The following MIPOL1 variants were observed in gnomAD, a reference collection of about 807,000 sequenced individuals.
MIPOL1 encodes the protein mirror-image polydactyly gene 1 protein.
A neutral mutation model predicts 60.9 loss-of-function variants in MIPOL1; 57 were observed. The ratio of observed to expected loss-of-function variants is 0.94; its 90% CI spans 0.76 to 1.17. MIPOL1 has a LOEUF of 1.17. Among genes scored for constraint, MIPOL1 ranks in the 50% most tolerant of loss-of-function variants. MIPOL1 has a pLI of 0.00. For missense variants in MIPOL1, 551 were observed against 511.6 expected (o/e 1.08, Z -0.74); for synonymous variants, 179 against 168.8 (o/e 1.06, Z -0.47).
chr14:37,377,099 G>C (rs1002601576), intron 10 of MIPOL1, among the ~76,000 whole-genome samples: 1 of 152,200 alleles, frequency 6.6e-6, no homozygotes, highest in Non-Finnish European at 1.5e-5. Context: ...ATTTGACTCT[G>C]TAAGCCTTCT....
chr14:37,269,341 A>T (rs2083113149), intron 5 of MIPOL1, among the ~76,000 whole-genome samples: 1 of 151,970 alleles, frequency 6.6e-6, no homozygotes, highest in African/African-American at 2.4e-5. Flanking sequence ...TAGTCATGTG[A>T]TCATTAAATA....
intron 11 of MIPOL1, among the ~76,000 whole-genome samples, chr14:37,493,899 A>G (rs17106785): frequency 0.076 from 11,612 of 152,168 alleles, 685 homozygotes; most frequent in East Asian, 0.32. Flanking sequence ...ATATGTTCCT[A>G]TACAACTTAA....
At chr14:37,424,960 TGA>T in intron 11 of MIPOL1, among the ~76,000 whole-genome samples, 1 of 152,336 alleles carries the variant, frequency 6.6e-6, no homozygotes, top group East Asian at 1.9e-4. Context: ...CAGCCAAGTT[TGA>T]GAGCTGATGT....
chr14:37,494,915 T>A (rs1403735831), intron 11 of MIPOL1, among the ~76,000 whole-genome samples: 1 of 152,088 alleles, frequency 6.6e-6, no homozygotes, highest in Admixed American at 6.6e-5. Flanking sequence ...CTAAGCAGCT[T>A]TTGAACTTGC....
intron 9 of MIPOL1, among the ~76,000 whole-genome samples, chr14:37,356,862 G>C (rs2153479229): frequency 6.6e-6 from 1 of 152,312 alleles, no homozygotes; most frequent in South Asian, 2.1e-4. Context: ...AGAAATCACT[G>C]TCTTCCCCGT....
chr14:37,375,905 T>C (rs1000653125), intron 10 of MIPOL1, among the ~76,000 whole-genome samples: 2 of 152,208 alleles, frequency 1.3e-5, no homozygotes, highest in South Asian at 4.1e-4. Flanking sequence ...ATATCTCCAT[T>C]TTTTTTCCTC....
At chr14:37,473,497 AT>A (rs1186437390) in intron 11 of MIPOL1, among the ~76,000 whole-genome samples, 1 of 152,072 alleles carries the variant, frequency 6.6e-6, no homozygotes, top group Non-Finnish European at 1.5e-5. Context: ...CTCCTACTGA[AT>A]TTGGTTAGCC....
At chr14:37,410,341 A>G (rs2093661233) in intron 10 of MIPOL1, among the ~76,000 whole-genome samples, 3 of 152,154 alleles carry the variant, frequency 2.0e-5, no homozygotes, top group Admixed American at 2.0e-4. Flanking sequence ...CATGTACCCT[A>G]AAACTTAAAG....
intron 9 of MIPOL1, among the ~76,000 whole-genome samples, chr14:37,346,601 GAGAA>G (rs2090964037): frequency 6.6e-6 from 1 of 152,098 alleles, no homozygotes; most frequent in Non-Finnish European, 1.5e-5. Context: ...GTTGAAGAAA[GAGAA>G]AGACCATGAG....
intron 6 of MIPOL1, among the ~76,000 whole-genome samples, chr14:37,275,691 A>C (rs958953609): frequency 6.6e-6 from 1 of 151,082 alleles, no homozygotes; most frequent in Non-Finnish European, 1.5e-5. Flanking sequence ...AAGTATTTAA[A>C]TAGTGTTTTA....
At chr14:37,222,403 T>C (rs1968960683) in intron 1 of MIPOL1, among the ~76,000 whole-genome samples, 1 of 150,156 alleles carries the variant, frequency 6.7e-6, no homozygotes, top group South Asian at 2.1e-4. Context: ...TTTTTTTTTT[T>C]AACTTATTAT....
chr14:37,552,103 C>G (rs942086093), downstream of MIPOL1: 1 of 151,918 alleles, frequency 6.6e-6, no homozygotes, highest in African/African-American at 2.4e-5. Flanking sequence ...GAATTTACAG[C>G]TTAGAGTACA....
chr14:37,475,831 A>G (rs1462918721), intron 11 of MIPOL1, among the ~76,000 whole-genome samples: 1 of 152,186 alleles, frequency 6.6e-6, no homozygotes, highest in African/African-American at 2.4e-5. Context: ...CCATAGCGGT[A>G]TAGTAAGTCT....
chr14:37,412,679 G>A (rs1443194683), intron 10 of MIPOL1, among the ~76,000 whole-genome samples: 1 of 152,096 alleles, frequency 6.6e-6, no homozygotes, highest in Non-Finnish European at 1.5e-5. Context: ...GTAGAAGCAT[G>A]AGGATATGTG....
At chr14:37,278,252 A>G (rs2083825456) in intron 6 of MIPOL1, 1 of 151,666 alleles carries the variant, frequency 6.6e-6, no homozygotes. Context: ...TCTACCATCT[A>G]TTTTAAAATT....
intron 12 of MIPOL1, among the ~76,000 whole-genome samples, chr14:37,508,030 T>C (rs1246320937): frequency 6.6e-6 from 1 of 152,196 alleles, no homozygotes; most frequent in African/African-American, 2.4e-5. Flanking sequence ...TGGCAAAATG[T>C]ATCTTCATGA....
chr14:37,278,741 C>A (rs763817435), intron 6 of MIPOL1: 1 of 151,710 alleles, frequency 6.6e-6, no homozygotes, highest in Non-Finnish European at 1.5e-5. Flanking sequence ...AGAATGTTAT[C>A]CAAGGTACTG....
chr14:37,300,313 C>G (rs1308321146), intron 7 of MIPOL1, among the ~76,000 whole-genome samples: 1 of 144,310 alleles, frequency 6.9e-6, no homozygotes, highest in Admixed American at 7.2e-5. Flanking sequence ...GGAGATTTGT[C>G]TCTTTTCCCA....
At chr14:37,234,774 C>T (rs1971177946) in intron 1 of MIPOL1, among the ~76,000 whole-genome samples, 1 of 151,400 alleles carries the variant, frequency 6.6e-6, no homozygotes, top group Non-Finnish European at 1.5e-5. Flanking sequence ...GTCCACTTAG[C>T]TGAATTCTTT....
Sources: allele counts gnomAD v4.1 joint callset (sites outside exome capture counted in the v4.1 genomes callset), GRCh38; gene constraint gnomAD v4.1.1; transcripts MANE v1.5; gene names NCBI Gene and HGNC (gene_info 2026-07-23, HGNC 2026-07-21).